Variants in MSL2 observed in about 807,000 individuals in gnomAD.
MSL2 encodes the protein E3 ubiquitin-protein ligase MSL2.
MSL2 carries 2 observed loss-of-function variants against 35.8 expected under a neutral mutation model. That is an observed-to-expected ratio of 0.06 (90% CI 0.02 to 0.18). The LOEUF is 0.18. Among genes scored for constraint, MSL2 ranks in the 10% least tolerant of loss-of-function variants. The pLI is 1.00. For synonymous variants in MSL2, 296 were observed against 255.7 expected (o/e 1.16, Z -1.50); for missense variants, 523 against 706.7 (o/e 0.74, Z 2.95).
Position 136,153,032 on chromosome 3 carries a change from A to G in MSL2, c.143-294T>C, listed in dbSNP as rs2108058996. 4.1e-6 allele frequency: 4 copies of G among 985,418 alleles called. No individual in the cohort carries two copies. The South Asian group carries it at 1.4e-4, about 35-fold the overall frequency. 61.0% of individuals were successfully genotyped at this position (985,418 alleles called of 1,614,324 possible). A position where few individuals can be genotyped will look rare whatever the true frequency, so the allele number is the denominator to read the frequency against. On this transcript the variant is annotated intron_variant, in intron 1 of 1. Transcript: ENST00000309993. ...CTTATCCTCTTCCTCCAAAGGCTAT[A>G]AAGTTAAAGAGGTGAAGATCAGACA...
At chr3:136,174,323 G>GA (rs1940108559) in intron 1 of MSL2, among the ~76,000 whole-genome samples, 1 of 152,172 alleles carries the variant, frequency 6.6e-6, no homozygotes, top group Admixed American at 6.5e-5. Context: ...TACTAGCAAT[G>GA]AAAAATAGAG....
intron 1 of MSL2, among the ~76,000 whole-genome samples, chr3:136,174,746 T>C (rs1288430025): frequency 3.3e-5 from 5 of 152,188 alleles, no homozygotes; most frequent in African/African-American, 1.2e-4. Context: ...AAAGCATTTG[T>C]ACCATCTTCT....
chr3:136,160,298 AG>A (rs1939665362), intron 1 of MSL2, among the ~76,000 whole-genome samples: 1 of 111,700 alleles, frequency 9.0e-6, no homozygotes, highest in South Asian at 4.0e-4. Context: ...AAAAAAAAAA[AG>A]AGGGAAGGAA....
chr3:136,162,671 A>G (rs1329050778), intron 1 of MSL2, among the ~76,000 whole-genome samples: 4 of 152,228 alleles, frequency 2.6e-5, no homozygotes, highest in African/African-American at 9.7e-5. Flanking sequence ...TGTCTTATAG[A>G]TTTTACTTTC....
intron 1 of MSL2, among the ~76,000 whole-genome samples, chr3:136,167,936 C>T (rs565709431): frequency 2.3e-4 from 35 of 152,182 alleles, no homozygotes; most frequent in Non-Finnish European, 3.7e-4. Flanking sequence ...AACAGTTTTC[C>T]GCTTTTATTG....
At position 136,151,963 on chromosome 3, in the gene MSL2, A is replaced by C; in HGVS notation, c.918T>G (p.Leu306=). Residue 306 remains leucine (L), a synonymous_variant, in exon 2 of 2, where the codon CTT becomes CTG. Transcript: ENST00000309993. This position sits in a 1 kb window ranked among gnomAD's most constrained non-coding sequence, Gnocchi z 5.2. ...CATTATGGCTAAGAGACTGGGAAGA[A>C]AGCTGCAGAAAAGGTCCATTGGATA... ...ATVSNGPFLQ[L]SSQSLSHNVF... 1.2e-6 allele frequency: 2 copies of C among 1,614,244 alleles called. No individual in the cohort carries two copies. The highest frequency in any genetic ancestry group is 1.7e-6 in the Non-Finnish European group (2 of 1,180,042).
intron 1 of MSL2, among the ~76,000 whole-genome samples, chr3:136,161,920 G>A (rs149878690): frequency 6.6e-6 from 1 of 151,376 alleles, no homozygotes; most frequent in East Asian, 1.9e-4. Flanking sequence ...GGATAGGAAG[G>A]GAAAAAAATA....
At chr3:136,163,253 C>A (rs578065356) in intron 1 of MSL2, among the ~76,000 whole-genome samples, 19 of 152,002 alleles carry the variant, frequency 1.2e-4, no homozygotes, top group Non-Finnish European at 2.4e-4. Context: ...AGCGAGACTC[C>A]GTCTCAAATA....
chr3:136,154,644 C>T (rs1473739597), intron 1 of MSL2, among the ~76,000 whole-genome samples: 1 of 151,660 alleles, frequency 6.6e-6, no homozygotes, highest in Admixed American at 6.6e-5. Flanking sequence ...AAGCCAAAAA[C>T]ATCATAAGAG....
chr3:136,173,214 G>C (rs896118289), intron 1 of MSL2, among the ~76,000 whole-genome samples: 3 of 152,110 alleles, frequency 2.0e-5, no homozygotes, highest in Non-Finnish European at 4.4e-5. Flanking sequence ...TCTTTCTAGA[G>C]TGATTGCCCA....
At chr3:136,160,449 C>T (rs1282299660) in intron 1 of MSL2, among the ~76,000 whole-genome samples, 4 of 150,246 alleles carry the variant, frequency 2.7e-5, no homozygotes, top group Non-Finnish European at 4.4e-5. Flanking sequence ...CAATGCAAGC[C>T]AGGCGTGGGG....
intron 1 of MSL2, among the ~76,000 whole-genome samples, chr3:136,174,007 A>G (rs1222409846): frequency 6.6e-6 from 1 of 152,160 alleles, no homozygotes; most frequent in Admixed American, 6.6e-5. Context: ...ATCAATTCAA[A>G]TATGACCTCC....
intron 1 of MSL2, chr3:136,194,594 G>A (rs769628260): frequency 2.9e-6 from 1 of 345,000 alleles, no homozygotes; most frequent in Non-Finnish European, 4.3e-6. Context: ...ACATGTGCAT[G>A]TTTTGATCAT....
Position 136,151,558 on chromosome 3 carries a change from A to C in MSL2, c.1323T>G (p.His441Gln). 6.2e-7 allele frequency: 1 copy of C among 1,614,140 alleles called. No homozygotes were observed. Among genetic ancestry groups the C allele is most frequent in the Admixed American group, 1.7e-5 (1 of 60,016 alleles). Residue 441 changes from histidine (H) to glutamine (Q), a missense_variant, in exon 2 of 2, where the codon CAT becomes CAG. His to Gln is a conservative substitution (Grantham distance 24, BLOSUM62 0). Coordinates refer to ENST00000309993, the MANE Select transcript of MSL2 (RefSeq NM_018133.4). This position sits in a 1 kb window ranked among gnomAD's most constrained non-coding sequence, Gnocchi z 5.2. ...TGGTAGGACTTCCTGGCATAAAATG[A>C]TGACTAGGAATCTTTTCCTTTACTG... ...DKAVKEKIPS[H>Q]HFMPGSPTKT...
chr3:136,192,284 G>C (rs1399690716), intron 1 of MSL2, among the ~76,000 whole-genome samples: 2 of 152,124 alleles, frequency 1.3e-5, no homozygotes, highest in Admixed American at 6.6e-5. Flanking sequence ...GCAATGTCTG[G>C]AGATCGGCCT....
rs188841777 is a variant in MSL2 at position 136,153,011 on chromosome 3, T to C, written c.143-273A>G. 444 of 985,422 alleles carry C rather than the reference T, an allele frequency of 4.5e-4. 1 individual carries two copies. Among genetic ancestry groups the C allele is most frequent in the Non-Finnish European group, 5.2e-4 (432 of 829,936 alleles). The allele number at this position is 985,422 out of a possible 1,614,324, so 61.0% of individuals were successfully genotyped here. ...CAATACGTTCTGGTCCACCTTCTTATCCTCTTCCTCCAAAGGCTATAAAGT... is the reference window on the plus strand; with the variant it reads ...CAATACGTTCTGGTCCACCTTCTTACCCTCTTCCTCCAAAGGCTATAAAGT... On this transcript the variant is annotated intron_variant, in intron 1 of 1. Coordinates refer to ENST00000309993, the MANE Select transcript of MSL2 (RefSeq NM_018133.4).
chr3:136,175,418 G>A (rs1370335726), intron 1 of MSL2, among the ~76,000 whole-genome samples: 7 of 151,938 alleles, frequency 4.6e-5, no homozygotes, highest in Non-Finnish European at 8.8e-5. Flanking sequence ...AGGTGCAGTG[G>A]CTCACACTTA....
chr3:136,188,725 CA>C (rs11328242), intron 1 of MSL2, among the ~76,000 whole-genome samples: 62,634 of 102,226 alleles, frequency 0.61, 18,620 homozygotes, highest in East Asian at 0.9. Context: ...GACCCTGTCT[CA>C]AAAAAAAAAA....
chr3:136,191,421 T>C (rs907628593), intron 1 of MSL2, among the ~76,000 whole-genome samples: 3 of 149,192 alleles, frequency 2.0e-5, no homozygotes, highest in Middle Eastern at 3.5e-3. Context: ...TGAGCCGAGA[T>C]TGCGCCACTG....
Sources: gnomAD v4.1 joint callset for allele counts (sites outside exome capture counted in the v4.1 genomes callset) on GRCh38, gnomAD v4.1.1 for gene constraint, Gnocchi (gnomAD v3.1) non-coding constraint, MANE v1.5 for transcripts, NCBI Gene and HGNC (gene_info 2026-07-23, HGNC 2026-07-21) for gene names.